ST3GAL6: variants seen among roughly 807,000 people sequenced by gnomAD.
ST3GAL6 encodes the protein type 2 lactosamine alpha-2,3-sialyltransferase.
In ST3GAL6, 31 loss-of-function variants were observed where a neutral mutation model predicts 40.5. That is an observed-to-expected ratio of 0.77 (90% CI 0.58 to 1.03). The LOEUF is 1.03. Among genes scored for constraint, ST3GAL6 ranks in the 50% least tolerant of loss-of-function variants. The pLI is 0.00. For synonymous variants in ST3GAL6, 129 were observed against 136.9 expected (o/e 0.94, Z 0.40); for missense variants, 357 against 393.2 (o/e 0.91, Z 0.78).
chr3:98,774,022 T>G (rs564982192), intron 5 of ST3GAL6, 39 bp downstream of exon 5: 10 of 1,481,934 alleles, frequency 6.7e-6, no homozygotes, highest in Non-Finnish European at 8.5e-6. Context: ...GCTTTTAGCT[T>G]CAGCTAAGCT....
At chr3:98,776,578 T>C (rs1171138002) in intron 5 of ST3GAL6, among the ~76,000 whole-genome samples, 3 of 152,162 alleles carry the variant, frequency 2.0e-5, no homozygotes, top group Non-Finnish European at 4.4e-5. Flanking sequence ...GGAGCTGAGG[T>C]AGAAGGGATT....
chr3:98,755,881 C>CT (rs1937380981), intron 1 of ST3GAL6, among the ~76,000 whole-genome samples: 1 of 151,826 alleles, frequency 6.6e-6, no homozygotes, highest in Non-Finnish European at 1.5e-5. Flanking sequence ...ACCCACACTT[C>CT]TTTTTCCCTC....
At chr3:98,759,097 C>T (rs2107381887), upstream of ST3GAL6, among the ~76,000 whole-genome samples, 1 of 152,288 alleles carries the variant, frequency 6.6e-6, no homozygotes, top group African/African-American at 2.4e-5. Context: ...AAGACCAAAT[C>T]ATGGAAGTCT....
intron 5 of ST3GAL6, chr3:98,783,824 A>G (rs1034270349): frequency 6.1e-6 from 2 of 327,544 alleles, no homozygotes; most frequent in African/African-American, 2.2e-5. Context: ...TCCAATTAAA[A>G]TATGTTAAAA....
chr3:98,735,239 A>G (rs1338552186), intron 1 of ST3GAL6, among the ~76,000 whole-genome samples: 1 of 152,108 alleles, frequency 6.6e-6, no homozygotes, highest in Non-Finnish European at 1.5e-5. Flanking sequence ...GTTTGACTCT[A>G]CCTCTGCCTA....
chr3:98,747,423 C>T (rs1449418899), intron 1 of ST3GAL6, among the ~76,000 whole-genome samples: 1 of 151,922 alleles, frequency 6.6e-6, no homozygotes, highest in African/African-American at 2.4e-5. Flanking sequence ...ACTTAAACTA[C>T]CAAAAACATG....
At chr3:98,757,126 T>G (rs1559731351) in intron 1 of ST3GAL6, among the ~76,000 whole-genome samples, 1 of 152,230 alleles carries the variant, frequency 6.6e-6, no homozygotes, top group Non-Finnish European at 1.5e-5. Flanking sequence ...AGAGTTCAGA[T>G]GTCTACCAGG....
chr3:98,787,709 C>CT (rs370044643), intron 6 of ST3GAL6, among the ~76,000 whole-genome samples: 1 of 152,336 alleles, frequency 6.6e-6, no homozygotes, highest in African/African-American at 2.4e-5. Context: ...TCCAAGTTCT[C>CT]TTTCAACTCT....
intron 9 of ST3GAL6, among the ~76,000 whole-genome samples, 193 bp downstream of exon 9, chr3:98,792,186 T>C (rs1941264878): frequency 6.6e-6 from 1 of 152,180 alleles, no homozygotes; most frequent in South Asian, 2.1e-4. Context: ...TACTACAGCA[T>C]GAAATCCCAA....
intron 1 of ST3GAL6, among the ~76,000 whole-genome samples, chr3:98,752,749 G>T (rs931470715): frequency 6.6e-6 from 1 of 152,198 alleles, no homozygotes; most frequent in African/African-American, 2.4e-5. Context: ...GGGATTACAG[G>T]CGTGAGCCAC....
upstream of ST3GAL6, among the ~76,000 whole-genome samples, chr3:98,759,384 C>T (rs1377077937): frequency 6.6e-6 from 1 of 152,088 alleles, no homozygotes; most frequent in Admixed American, 6.5e-5. Flanking sequence ...GATTCTGGAA[C>T]TGAAAACCGT....
intron 1 of ST3GAL6, chr3:98,732,907 C>T: frequency 6.6e-7 from 1 of 1,508,364 alleles, no homozygotes; most frequent in South Asian, 1.2e-5. Context: ...GCTGGAGCAG[C>T]GGCCCCTCAG....
chr3:98,774,557 C>T (rs1020171011), intron 5 of ST3GAL6, among the ~76,000 whole-genome samples: 11 of 152,232 alleles, frequency 7.2e-5, no homozygotes, highest in Non-Finnish European at 1.6e-4. Flanking sequence ...GACTTCTTCA[C>T]TGTTGGGCTT....
rs180960034 is a variant in ST3GAL6, at chr3:98,781,608, C to T, written c.336-3337C>T. 8.5e-5 allele frequency among the ~76,000 whole-genome samples: 13 copies of T among 152,242 alleles called. No individual in the cohort carries two copies. The East Asian group carries it at 2.3e-3, about 27-fold the overall frequency. ...GCTGGTGGCTTGTTGGCCTTTGCCC[C>T]TGCATGTTCCATGTAGGTGGAGTCA... On this transcript the variant is annotated intron_variant, in intron 5 of 9. Coordinates refer to ENST00000483910, the MANE Select transcript of ST3GAL6 (RefSeq NM_001323368.2).
intron 5 of ST3GAL6, chr3:98,784,676 TATCTC>T (rs975467410): frequency 1.8e-4 from 59 of 325,720 alleles, no homozygotes; most frequent in Middle Eastern, 9.3e-4. Context: ...CAGGCTTACT[TATCTC>T]AATAGGTGGG....
rs762308127 is a variant in ST3GAL6 at position 98,785,018 on chromosome 3, G to A, written c.409G>A (p.Asp137Asn). The A allele has an allele frequency of 2.1e-5, 33 of 1,606,626 alleles. No homozygotes were observed. The highest frequency in any genetic ancestry group is 1.1e-4 in the East Asian group (5 of 44,790). The change falls in exon 6 of 10, where the codon GAC becomes AAC. Residue 137 changes from aspartate (D) to asparagine (N), a missense_variant. Physicochemically the swap from Asp to Asn is conservative, Grantham distance 23. Coordinates refer to ENST00000483910, the MANE Select transcript of ST3GAL6 (RefSeq NM_001323368.2). ...LKNKTLGEKI[D>N]SYDVIIRMNN... Reference sequence around the variant, plus strand: ...GAATAAGACATTAGGAGAAAAAATCGACTCCTATGATGTAATAATAAGGTA... The same window carrying A: ...GAATAAGACATTAGGAGAAAAAATCAACTCCTATGATGTAATAATAAGGTA...
intron 1 of ST3GAL6, among the ~76,000 whole-genome samples, chr3:98,765,055 A>G (rs2107133017): frequency 6.6e-6 from 1 of 152,328 alleles, no homozygotes; most frequent in Admixed American, 6.5e-5. Flanking sequence ...TGCTGTTTAA[A>G]TGCACATTCC....
chr3:98,748,391 A>C (rs1295827358), intron 1 of ST3GAL6, among the ~76,000 whole-genome samples: 1 of 152,316 alleles, frequency 6.6e-6, no homozygotes, highest in East Asian at 1.9e-4. Flanking sequence ...TGGGGATTAT[A>C]TGAGTTTGTG....
At chr3:98,735,741 G>A (rs916291221) in intron 1 of ST3GAL6, among the ~76,000 whole-genome samples, 4 of 152,086 alleles carry the variant, frequency 2.6e-5, no homozygotes, top group Non-Finnish European at 4.4e-5. Context: ...TAACCCTTAG[G>A]GGTTAAAATG....
Sources: allele counts gnomAD v4.1 joint callset (sites outside exome capture counted in the v4.1 genomes callset), GRCh38; gene constraint gnomAD v4.1.1; transcripts MANE v1.5; gene names NCBI Gene and HGNC (gene_info 2026-07-23, HGNC 2026-07-21).